The following TRAK1 variants were observed in gnomAD, a reference collection of about 807,000 sequenced individuals.
TRAK1 encodes the protein trafficking kinesin protein 1.
A neutral mutation model predicts 92.1 loss-of-function variants in TRAK1; 33 were observed. That is an observed-to-expected ratio of 0.36 (90% CI 0.27 to 0.48). The LOEUF (loss-of-function observed/expected upper bound fraction) is 0.48, where lower values mean the gene tolerates loss of function less well. Ranked by LOEUF, TRAK1 falls within the 20% of genes least tolerant of loss-of-function variation. The pLI, the probability that TRAK1 is intolerant of heterozygous loss-of-function variation, is 0.99. For missense variants in TRAK1, 1,123 were observed against 1,257.9 expected, an observed-to-expected ratio of 0.89 and a Z score of 1.62; for synonymous variants, 521 against 517.3, an observed-to-expected ratio of 1.01 and a Z score of -0.10.
At chr3:42,158,787 CA>C (rs149521969) in intron 2 of TRAK1, among the ~76,000 whole-genome samples, 8,701 of 69,560 alleles carry the variant, frequency 0.13, 744 homozygotes, top group African/African-American at 0.3. Context: ...ACAAAAAATA[CA>C]AAAAAAAAAA....
At chr3:42,066,351 A>T (rs76836252) in intron 1 of TRAK1, among the ~76,000 whole-genome samples, 4,687 of 152,166 alleles carry the variant, frequency 0.031, 260 homozygotes, top group African/African-American at 0.11. Flanking sequence ...TTTAGTTGTG[A>T]AGGGGAAGCT....
Position 42,224,112 on chromosome 3 carries a change from A to C in TRAK1, c.*375A>C. ...TATCCCATGGATAGGAAACCAGTGA[A>C]TTCCGTGGCTGGCACACCACGAGCT... On this transcript the variant is annotated 3_prime_UTR_variant, in exon 16 of 16. Transcript: ENST00000327628. 2.2e-6 allele frequency: 1 copy of C among 465,116 alleles called. No individual in the cohort carries two copies. 28.8% of individuals were successfully genotyped at this position (465,116 alleles called of 1,614,324 possible).
chr3:42,014,639 G>A (rs183158186), intron 1 of TRAK1, among the ~76,000 whole-genome samples: 129 of 152,300 alleles, frequency 8.5e-4, no homozygotes, highest in South Asian at 3.1e-3. Context: ...CTTTTGTAAA[G>A]TTGTGTTTCA....
At chr3:42,220,969 G>A (rs937535259) in intron 15 of TRAK1, among the ~76,000 whole-genome samples, 3 of 151,986 alleles carry the variant, frequency 2.0e-5, no homozygotes. Flanking sequence ...GTAACTAGAT[G>A]GCACTCCTGA....
intron 14 of TRAK1, among the ~76,000 whole-genome samples, chr3:42,215,123 C>A (rs1328904988): frequency 6.6e-6 from 1 of 152,250 alleles, no homozygotes; most frequent in South Asian, 2.1e-4. Flanking sequence ...CATCATAGAA[C>A]TTTTTTTCCC....
chr3:42,087,532 T>A (rs1283554314), upstream of TRAK1: 1 of 152,552 alleles, frequency 6.6e-6, no homozygotes, highest in Non-Finnish European at 1.5e-5. Context: ...TGCAAAAGAC[T>A]CTGAGCTTTC....
In TRAK1 at chr3:42,189,076, A is replaced by G. The variant is rs772831979; in HGVS notation, c.642A>G (p.Gln214=). The G allele has an allele frequency of 7.4e-6, 12 of 1,614,068 alleles. No homozygotes were observed. The highest frequency in any genetic ancestry group is 4.4e-5 in the South Asian group (4 of 91,070). The change falls in exon 6 of 16, where the codon CAA becomes CAG. Residue 214 remains glutamine, a synonymous_variant. Coordinates refer to ENST00000327628, the MANE Select transcript of TRAK1 (RefSeq NM_001042646.3). ...VQNYFHLDSL[Q]KKLKDLEEEN... ...ATTACTTTCATTTGGATTCTCTTCA[A>G]AAGAAGCTGAAAGACCTTGAAGAGG...
intron 4 of TRAK1, 115 bp downstream of exon 4, chr3:42,184,916 C>A: frequency 2.0e-6 from 2 of 1,019,856 alleles, no homozygotes; most frequent in Non-Finnish European, 1.5e-6. Context: ...CTCCCGAGGG[C>A]ACGACCGCGG....
chr3:42,210,034 C>T (rs762641171), intron 14 of TRAK1, 49 bp downstream of exon 14: 29 of 1,613,856 alleles, frequency 1.8e-5, no homozygotes, highest in East Asian at 4.5e-5. Context: ...AGAAGTTACC[C>T]GAGCCGGCCT....
rs1217545483 is a variant in TRAK1 at position 42,185,917 on chromosome 3, G to A, written c.480+1116G>A. ...TCGAACTCCTGACCTCAGGTCATCC[G>A]CCCGCCTCAGCCTCCCAAAGTGCTG... On this transcript the variant is annotated intron_variant, in intron 4 of 15. Coordinates refer to ENST00000327628, the MANE Select transcript of TRAK1 (RefSeq NM_001042646.3). Among the ~76,000 whole-genome samples the A allele has an allele frequency of 6.2e-4, 90 of 144,314 alleles. 1 individual carries two copies. Among genetic ancestry groups the A allele is most frequent in the African/African-American group, 7.1e-4 (27 of 37,870 alleles). The allele number at this position is 144,314 out of a possible 152,430, so 94.7% of individuals were successfully genotyped here.
intron 3 of TRAK1, among the ~76,000 whole-genome samples, chr3:42,180,887 C>A (rs958874023): frequency 4.6e-5 from 7 of 151,942 alleles, no homozygotes; most frequent in African/African-American, 1.5e-4. Flanking sequence ...TATTTTTATA[C>A]AATTTGCTGT....
chr3:42,029,397 C>T (rs1702033994), intron 1 of TRAK1, among the ~76,000 whole-genome samples: 1 of 149,476 alleles, frequency 6.7e-6, no homozygotes, highest in African/African-American at 2.4e-5. Context: ...CGCCACCATG[C>T]CTGGCTAATT....
chr3:42,092,716 A>G (rs80039639), intron 1 of TRAK1, among the ~76,000 whole-genome samples: 2,409 of 23,720 alleles, frequency 0.1, 15 homozygotes, highest in Non-Finnish European at 0.15. Context: ...GTGTTGTGTT[A>G]TGTTATGTTA....
intron 1 of TRAK1, among the ~76,000 whole-genome samples, chr3:42,049,775 G>A (rs967648129): frequency 1.3e-5 from 2 of 151,906 alleles, no homozygotes; most frequent in Admixed American, 1.3e-4. Context: ...TAACTTTTTT[G>A]GAATGAGTGT....
chr3:42,041,788 T>G (rs1312554824), intron 1 of TRAK1, among the ~76,000 whole-genome samples: 1 of 140,714 alleles, frequency 7.1e-6, no homozygotes, highest in Non-Finnish European at 1.5e-5. Context: ...TTCTATTGTT[T>G]TTTTTTTTCT....
At chr3:42,138,228 AC>A (rs1172094498) in intron 2 of TRAK1, among the ~76,000 whole-genome samples, 6 of 152,200 alleles carry the variant, frequency 3.9e-5, no homozygotes, top group Admixed American at 1.3e-4. Flanking sequence ...TTTAAATTAC[AC>A]AGGACTTTTC....
chr3:42,125,035 G>A (rs1268727467), intron 1 of TRAK1, among the ~76,000 whole-genome samples: 3 of 152,220 alleles, frequency 2.0e-5, no homozygotes, highest in Admixed American at 6.5e-5. Flanking sequence ...TGGTAAAAGA[G>A]TGGCATGAAG....
intron 2 of TRAK1, chr3:42,160,294 AG>A: frequency 6.3e-7 from 1 of 1,588,560 alleles, no homozygotes. Flanking sequence ...TCCTCTGGGT[AG>A]GGGGTCGGGG....
At chr3:42,129,173 G>A (rs11711576) in intron 2 of TRAK1, among the ~76,000 whole-genome samples, 11,269 of 152,180 alleles carry the variant, frequency 0.074, 470 homozygotes, top group Middle Eastern at 0.15. Flanking sequence ...TCCTTTTTGG[G>A]TTTCGTGTGT....
Sources: allele counts gnomAD v4.1 joint callset (sites outside exome capture counted in the v4.1 genomes callset), GRCh38; gene constraint gnomAD v4.1.1; transcripts MANE v1.5; gene names NCBI Gene and HGNC (gene_info 2026-07-23, HGNC 2026-07-21).